The following GLIPR1 variants were observed in gnomAD, a reference collection of about 807,000 sequenced individuals.
The protein encoded by GLIPR1 is GLI pathogenesis related 1, also known as glioma pathogenesis-related protein 1.
GLIPR1 carries 38 observed loss-of-function variants against 30.3 expected under a neutral mutation model. That is an observed-to-expected ratio of 1.26 (90% CI 0.97 to 1.65). GLIPR1 has a LOEUF of 1.65. Among genes scored for constraint, GLIPR1 ranks in the 40% most tolerant of loss-of-function variants. GLIPR1 has a pLI of 0.00. For missense variants in GLIPR1, 285 were observed against 326.5 expected (o/e 0.87, Z 0.98); for synonymous variants, 122 against 110.6 (o/e 1.10, Z -0.65).
chr12:75,488,681 TTTTC>T (rs1169245544), intron 2 of GLIPR1, among the ~76,000 whole-genome samples: 3 of 152,312 alleles, frequency 2.0e-5, no homozygotes, highest in Non-Finnish European at 4.4e-5. Context: ...CCACACTGGC[TTTTC>T]TTTGAGTTCT....
In GLIPR1 at chr12:75,500,115, G is replaced by A. The variant is rs776306396; in HGVS notation, c.*1137G>A. ...CACAGTATAAAATATAAAAACACTT[G>A]CCTAAAGCAGTTAGAAATTTCTTCA... On this transcript the variant is annotated 3_prime_UTR_variant, in exon 6 of 6. Coordinates refer to ENST00000266659, the MANE Select transcript of GLIPR1 (RefSeq NM_006851.3). 1.7e-4 allele frequency: 81 copies of A among 486,270 alleles called. No homozygotes were observed. The highest frequency in any genetic ancestry group is 2.2e-4 in the Non-Finnish European group (64 of 289,828). 30.1% of individuals were successfully genotyped at this position (486,270 alleles called of 1,614,324 possible).
At position 75,482,000 on chromosome 12, in the gene GLIPR1, T is replaced by A. The variant is rs1432224138; in HGVS notation, c.341T>A (p.Ile114Asn). The A allele has an allele frequency of 3.1e-6, 5 of 1,614,142 alleles. No individual in the cohort carries two copies. In the Admixed American group the frequency reaches 5.0e-5, roughly 16 times the overall value. The change falls in exon 2 of 6, where the codon ATC becomes AAC. Residue 114 changes from isoleucine to asparagine, a missense_variant. By Grantham distance (149) the Ile-to-Asn change is moderately radical (BLOSUM62 -3). Coordinates refer to ENST00000266659, the MANE Select transcript of GLIPR1 (RefSeq NM_006851.3). ...SVPIFSVSSA[I>N]TNWYDEIQDY... Reference sequence around the variant, plus strand: ...CCCATTTTTTCTGTGTCTTCCGCCATCACAAACTGGTATGACGAAATCCAG... The same window carrying A: ...CCCATTTTTTCTGTGTCTTCCGCCAACACAAACTGGTATGACGAAATCCAG...
In GLIPR1 at chr12:75,499,782, A is replaced by G. The variant is rs1471180360; in HGVS notation, c.*804A>G. The G allele has an allele frequency of 1.3e-6, 2 of 1,543,560 alleles. No individual in the cohort carries two copies. Among genetic ancestry groups the G allele is most frequent in the Non-Finnish European group, 1.7e-6 (2 of 1,143,880 alleles). Reference sequence around the variant, plus strand: ...CTCAAAATCCTTTACAAAAGGAGATAGTTCTAGTCAAGGAGTTTTGGGTAT... The same window carrying G: ...CTCAAAATCCTTTACAAAAGGAGATGGTTCTAGTCAAGGAGTTTTGGGTAT... On this transcript the variant is annotated 3_prime_UTR_variant, in exon 6 of 6. Coordinates refer to ENST00000266659, the MANE Select transcript of GLIPR1 (RefSeq NM_006851.3).
intron 1 of GLIPR1, 52 bp from the exon 2 acceptor site, chr12:75,481,782 C>A (rs1345069473): frequency 3.8e-6 from 6 of 1,564,724 alleles, no homozygotes; most frequent in Middle Eastern, 1.7e-4. Context: ...ACTGTACTCA[C>A]CCCAGTTACA....
At position 75,502,831 on chromosome 12, in the gene GLIPR1, G is replaced by T. The variant is rs2046403981; in HGVS notation, c.*3853G>T. On this transcript the variant is annotated 3_prime_UTR_variant, in exon 6 of 6. Transcript: ENST00000266659. The stretch of plus-strand genomic sequence containing the variant: ...GAAAGGGCCATAAGAAATAAGGCAG[G>T]TGTTATGGAAGCATGGTTTAATGAC... 1 of 152,002 alleles carries T rather than the reference G, an allele frequency of 6.6e-6. No homozygotes were observed. Among genetic ancestry groups the T allele is most frequent in the Non-Finnish European group, 1.5e-5 (1 of 67,942 alleles). The allele number at this position is 152,002 out of a possible 1,614,324, so 9.4% of individuals were successfully genotyped here.
intron 1 of GLIPR1, 57 bp downstream of exon 1, chr12:75,481,111 T>TAACACCAAA: frequency 7.4e-7 from 1 of 1,345,064 alleles, no homozygotes; most frequent in Non-Finnish European, 1.0e-6. Flanking sequence ...TAATGTGTAT[T>TAACACCAAA]GACTTTGGTG....
intron 3 of GLIPR1, chr12:75,491,792 T>C (rs1474532185): frequency 6.6e-6 from 1 of 152,176 alleles, no homozygotes; most frequent in Non-Finnish European, 1.5e-5. Flanking sequence ...TTCTTATTTA[T>C]AAAAGTTTTT....
At position 75,480,818 on chromosome 12, in the gene GLIPR1, A is replaced by T; in HGVS notation, c.-63A>T. 7.5e-7 allele frequency: 1 copy of T among 1,330,244 alleles called. No homozygotes were observed. Among genetic ancestry groups the T allele is most frequent in the Non-Finnish European group, 1.0e-6 (1 of 953,038 alleles). 82.4% of individuals were successfully genotyped at this position (1,330,244 alleles called of 1,614,324 possible). A position where few individuals can be genotyped will look rare whatever the true frequency, so the allele number is the denominator to read the frequency against. The stretch of plus-strand genomic sequence containing the variant: ...CTGTGGGCTGAGCACTCAGGCAATC[A>T]CACTCTCAGAAACTGCGGCGGCTCT... On this transcript the variant is annotated 5_prime_UTR_variant, in exon 1 of 6. Transcript: ENST00000266659.
At chr12:75,481,326 TCCTC>T (rs1167933730) in intron 1 of GLIPR1, 1 of 309,592 alleles carries the variant, frequency 3.2e-6, no homozygotes, top group Non-Finnish European at 5.9e-6. Context: ...TTTGTTATCT[TCCTC>T]CCTGTTAATT....
chr12:75,490,455 C>T lies in GLIPR1; in HGVS notation c.470C>T (p.Pro157Leu). The T allele has an allele frequency of 6.4e-7, 1 of 1,573,456 alleles. No homozygotes were observed. Among genetic ancestry groups the T allele is most frequent in the Non-Finnish European group, 8.6e-7 (1 of 1,156,324 alleles). The change falls in exon 3 of 6, where the codon CCT (proline) becomes CTT (leucine). Residue 157 changes from proline to leucine, a missense_variant. Physicochemically the swap from Pro to Leu is moderately conservative, Grantham distance 98. Coordinates refer to ENST00000266659, the MANE Select transcript of GLIPR1 (RefSeq NM_006851.3). ...YKVGCAVQFC[P>L]KVSGFDALSN... is the part of the protein sequence containing the mutation. ...GTTGGCTGCGCAGTTCAATTTTGCC[C>T]TAAAGTTTCTGGCTTTGACGCTCTT... is the stretch of plus-strand genomic sequence containing the variant.
Position 75,481,862 on chromosome 12 carries a change from C to T in GLIPR1, c.203C>T (p.Ala68Val), listed in dbSNP as rs1328785925. 1.2e-6 allele frequency: 2 copies of T among 1,614,092 alleles called. No homozygotes were observed. Among genetic ancestry groups the T allele is most frequent in the Non-Finnish European group, 1.7e-6 (2 of 1,179,954 alleles). The change falls in exon 2 of 6, where the codon GCA (alanine) becomes GTA (valine). Residue 68 changes from alanine (A) to valine (V), a missense_variant. Physicochemically the swap from Ala to Val is moderately conservative, Grantham distance 64. Coordinates refer to ENST00000266659, the MANE Select transcript of GLIPR1 (RefSeq NM_006851.3). ...TGGGACCCAGCACTAGCCCAAATTG[C>T]AAAAGCATGGGCCAGCAATTGCCAG... Reference protein sequence around the residue: ...MTWDPALAQIAKAWASNCQFS... With the variant: ...MTWDPALAQIVKAWASNCQFS...
Position 75,498,947 on chromosome 12 carries a change from A to C in GLIPR1, c.770A>C (p.His257Pro), listed in dbSNP as rs1241898244. ...GTTATAATTACCATTTTGGTACAGC[A>C]CAAGTACCCTAATTTAGTTCTTTTG... Reference protein sequence around the residue: ...LSVIITILVQHKYPNLVLLD With the variant: ...LSVIITILVQPKYPNLVLLD The change falls in exon 6 of 6, where the codon CAC becomes CCC. Residue 257 changes from histidine (H) to proline (P), a missense_variant. Coordinates refer to ENST00000266659, the MANE Select transcript of GLIPR1 (RefSeq NM_006851.3). 1 of 1,604,482 alleles carries C rather than the reference A, an allele frequency of 6.2e-7. No individual in the cohort carries two copies. Among genetic ancestry groups the C allele is most frequent in the Non-Finnish European group, 8.5e-7 (1 of 1,175,922 alleles).
intron 2 of GLIPR1, among the ~76,000 whole-genome samples, chr12:75,485,533 T>TTTTACTTATTTATTTA (rs2046289456): frequency 9.1e-6 from 1 of 110,428 alleles, no homozygotes; most frequent in Non-Finnish European, 2.1e-5. Flanking sequence ...GACAGCTTTA[T>TTTTACTTATTTATTTA]TTTATTTATT....
At chr12:75,491,686 CTG>C (rs1446171435) in intron 3 of GLIPR1, 1 of 152,108 alleles carries the variant, frequency 6.6e-6, no homozygotes, top group African/African-American at 2.4e-5. Flanking sequence ...TTTTGCATCT[CTG>C]TGATTACTAG....
chr12:75,498,418 C>T, intron 4 of GLIPR1: 4 of 281,210 alleles, frequency 1.4e-5, no homozygotes, highest in South Asian at 1.3e-4. Flanking sequence ...ATTTTATTAC[C>T]TGCTAGGTAT....
In GLIPR1 at chr12:75,501,953, C is replaced by G. The variant is rs139059786; in HGVS notation, c.*2975C>G. The G allele has an allele frequency of 1.9e-4, 314 of 1,612,436 alleles. No homozygotes were observed. Among genetic ancestry groups the G allele is most frequent in the Non-Finnish European group, 2.5e-4 (294 of 1,179,122 alleles). ...TTGCTTCCATTTTCTGCCGCTTCTT[C>G]TGATTTGCCTTCAAAAAGTATTCAC... On this transcript the variant is annotated 3_prime_UTR_variant, in exon 6 of 6. Coordinates refer to ENST00000266659, the MANE Select transcript of GLIPR1 (RefSeq NM_006851.3).
intron 2 of GLIPR1, among the ~76,000 whole-genome samples, chr12:75,483,245 C>T (rs1051027515): frequency 6.6e-6 from 1 of 152,128 alleles, no homozygotes; most frequent in East Asian, 1.9e-4. Context: ...CCAACAAGAC[C>T]TAGGGGAGTA....
Position 75,503,827 on chromosome 12 carries a change from ATACTTTCAATAAAG to A in GLIPR1, c.*4851_*4864del, listed in dbSNP as rs1260662849. 4 of 1,298,792 alleles carry A rather than the reference ATACTTTCAATAAAG, an allele frequency of 3.1e-6. No homozygotes were observed. The African/African-American group carries it at 5.9e-5, about 19-fold the overall frequency. 80.5% of individuals were successfully genotyped at this position (1,298,792 alleles called of 1,614,324 possible). ...TATATATACACATATCCCACCTGAA[ATACTTTCAATAAAG>A]TTTCTGACCAAATACATTAAAATAG... is the stretch of plus-strand genomic sequence containing the variant. On this transcript the variant is annotated 3_prime_UTR_variant, in exon 6 of 6. Transcript: ENST00000266659.
chr12:75,492,425 G>T (rs929550562), intron 3 of GLIPR1: 3 of 152,166 alleles, frequency 2.0e-5, no homozygotes, highest in African/African-American at 7.2e-5. Context: ...AATTTACTGT[G>T]TGACCCTGGA....
Sources: gnomAD v4.1 joint callset for allele counts (sites outside exome capture counted in the v4.1 genomes callset) on GRCh38, gnomAD v4.1.1 for gene constraint, MANE v1.5 for transcripts, NCBI Gene and HGNC (gene_info 2026-07-23, HGNC 2026-07-21) for gene names.